TMPRSS9: variants seen among roughly 807,000 people sequenced by gnomAD.
TMPRSS9 encodes the protein transmembrane protease serine 9.
TMPRSS9 carries 113 observed loss-of-function variants against 111.4 expected under a neutral mutation model. That is an observed-to-expected ratio of 1.01 (90% confidence interval 0.87 to 1.19). TMPRSS9 has a LOEUF of 1.19. Ranked by LOEUF, TMPRSS9 falls within the 50% of genes most tolerant of loss-of-function variation. The pLI is 0.00. For synonymous variants in TMPRSS9, 805 were observed against 659.1 expected, an observed-to-expected ratio of 1.22 and a Z score of -3.39; for missense variants, 1,803 against 1,513.1, an observed-to-expected ratio of 1.19 and a Z score of -3.18.
intron 14 of TMPRSS9, among the ~76,000 whole-genome samples, chr19:2,423,045 T>C (rs1284826969): frequency 1.3e-5 from 2 of 150,342 alleles, no homozygotes; most frequent in Non-Finnish European, 3.0e-5. Context: ...TGACACAGCC[T>C]GTCTCTAAAA....
chr19:2,381,381 G>A (rs1030211560), intron 1 of TMPRSS9, among the ~76,000 whole-genome samples: 1 of 151,178 alleles, frequency 6.6e-6, no homozygotes, highest in African/African-American at 2.4e-5. Context: ...TGTGTGTGTT[G>A]GGGAGTGAGC....
chr19:2,383,229 C>A (rs1453889769), intron 1 of TMPRSS9, among the ~76,000 whole-genome samples: 1 of 151,922 alleles, frequency 6.6e-6, no homozygotes, highest in Non-Finnish European at 1.5e-5. Context: ...TGGCAGGCAC[C>A]TGTAATCCCA....
chr19:2,425,321 G>A, intron 16 of TMPRSS9, 36 bp from the exon 18 acceptor site: 1 of 1,307,692 alleles, frequency 7.6e-7, no homozygotes, highest in Admixed American at 4.0e-5. Flanking sequence ...GCCGGACGCG[G>A]TCCCCACCCG....
In TMPRSS9 at chr19:2,398,414, C is replaced by T. The variant is rs181758643; in HGVS notation, c.271-381C>T. 1.5e-3 allele frequency among the ~76,000 whole-genome samples: 228 copies of T among 151,840 alleles called. 1 individual carries two copies. The highest frequency in any genetic ancestry group is 5.1e-3 in the African/African-American group (213 of 41,398). On this transcript the variant is annotated intron_variant, in intron 2 of 17. Coordinates refer to ENST00000648592, the Ensembl canonical transcript of TMPRSS9. ...CAGGTGGATCACAAGGTCAGGAGTT[C>T]GAGACCAGCCTGGCCAACATAGTGA...
intron 14 of TMPRSS9, among the ~76,000 whole-genome samples, chr19:2,422,640 C>T (rs1001759576): frequency 6.6e-6 from 1 of 152,132 alleles, no homozygotes; most frequent in Non-Finnish European, 1.5e-5. Flanking sequence ...AATCCCAGCA[C>T]TTTGGGAGGC....
chr19:2,379,181 CTTT>C (rs919990556), intron 1 of TMPRSS9, among the ~76,000 whole-genome samples: 1 of 99,422 alleles, frequency 1.0e-5, no homozygotes, highest in Non-Finnish European at 1.8e-5. Flanking sequence ...GCTTCTTTCT[CTTT>C]TTTTTTTTTT....
intron 7 of TMPRSS9, among the ~76,000 whole-genome samples, chr19:2,406,763 C>T (rs1970978243): frequency 6.6e-6 from 1 of 151,326 alleles, no homozygotes; most frequent in South Asian, 2.1e-4. Context: ...ACATTTTTTG[C>T]ATTCACTTTG....
intron 1 of TMPRSS9, among the ~76,000 whole-genome samples, chr19:2,372,507 C>T (rs896642055): frequency 3.9e-5 from 6 of 152,120 alleles, no homozygotes; most frequent in Non-Finnish European, 8.8e-5. Flanking sequence ...TCTCTCCCAC[C>T]CCCAGTCTTT....
chr19:2,421,629 C>T (rs1599317737), intron 13 of TMPRSS9, among the ~76,000 whole-genome samples: 1 of 152,076 alleles, frequency 6.6e-6, no homozygotes, highest in Non-Finnish European at 1.5e-5. Context: ...TGTTTTACCT[C>T]CTCAAAACAA....
At chr19:2,372,291 C>T (rs4806839) in intron 1 of TMPRSS9, among the ~76,000 whole-genome samples, 26,836 of 151,956 alleles carry the variant, frequency 0.18, 3,547 homozygotes, top group African/African-American at 0.36. Context: ...CAGCTACACA[C>T]TTTTCTTTTT....
intron 4 of TMPRSS9, among the ~76,000 whole-genome samples, chr19:2,401,465 G>A (rs189582940): frequency 1.2e-4 from 19 of 152,232 alleles, no homozygotes; most frequent in African/African-American, 2.9e-4. Flanking sequence ...AGTGCTCCCC[G>A]TGGGGCAAGT....
intron 7 of TMPRSS9, among the ~76,000 whole-genome samples, chr19:2,407,944 C>T (rs1039166575): frequency 3.3e-5 from 5 of 151,856 alleles, no homozygotes; most frequent in Admixed American, 6.6e-5. Flanking sequence ...TCACTATGCC[C>T]GGCTAATTTT....
Position 2,378,222 on chromosome 19 carries a change from C to G in TMPRSS9, c.-25-11539C>G, listed in dbSNP as rs112512057. Among the ~76,000 whole-genome samples, 1,055 of 152,228 alleles carry G rather than the reference C, an allele frequency of 6.9e-3. 11 individuals are homozygous for G. Among genetic ancestry groups the G allele is most frequent in the Non-Finnish European group, 0.012 (846 of 68,018 alleles). ...TCACCCAGTCTCAGGTATTTCTTTA[C>G]AGCAGGACAAAAATAGACTCAGACA... On this transcript the variant is annotated intron_variant, in intron 1 of 17. Coordinates refer to the TMPRSS9 transcript ENST00000649857.
chr19:2,399,758 C>T (rs753945738), intron 4 of TMPRSS9, among the ~76,000 whole-genome samples: 1 of 152,000 alleles, frequency 6.6e-6, no homozygotes, highest in African/African-American at 2.4e-5. Context: ...CACTCTGTTG[C>T]CCAGTCTGGA....
At chr19:2,425,625 CCT>C (rs1261939903) in intron 17 of TMPRSS9, 132 bp downstream of exon 18, 3 of 1,372,280 alleles carry the variant, frequency 2.2e-6, no homozygotes, top group Non-Finnish European at 2.8e-6. Context: ...AAGCAGGGAG[CCT>C]TTTTGGCTCT....
intron 9 of TMPRSS9, among the ~76,000 whole-genome samples, chr19:2,410,694 A>G (rs1220924560): frequency 4.6e-5 from 7 of 152,032 alleles, no homozygotes. Context: ...GCTCCCTTCC[A>G]GTGGGCCCCA....
intron 7 of TMPRSS9, among the ~76,000 whole-genome samples, chr19:2,405,820 C>T (rs1260776854): frequency 3.3e-5 from 5 of 150,530 alleles, no homozygotes; most frequent in Non-Finnish European, 7.4e-5. Context: ...ATTCTCCTGC[C>T]TCAGCCTCCC....
In TMPRSS9 at chr19:2,424,377, C is replaced by T. The variant is rs990866591; in HGVS notation, c.2717+120C>T. On this transcript the variant is annotated intron_variant, in intron 15 of 17. Coordinates refer to ENST00000648592, the Ensembl canonical transcript of TMPRSS9. ...CCGGGAGTGCCCTCCCCAACCCCGG[C>T]TCCCACTGCCCCAGGCCACTCCTCC... is the stretch of plus-strand genomic sequence containing the variant. The T allele has an allele frequency of 1.5e-5, 17 of 1,112,924 alleles. 1 individual carries two copies. The highest frequency in any genetic ancestry group is 2.6e-4 in the Middle Eastern group (1 of 3,852). 68.9% of individuals were successfully genotyped at this position (1,112,924 alleles called of 1,614,324 possible). A position where few individuals can be genotyped will look rare whatever the true frequency, so the allele number is the denominator to read the frequency against.
chr19:2,396,432 A>G (rs1970708162), intron 1 of TMPRSS9, 107 bp from the exon 3 acceptor site: 7 of 1,356,232 alleles, frequency 5.2e-6, no homozygotes, highest in Non-Finnish European at 6.9e-6. Flanking sequence ...GTCAGGAGTG[A>G]CCACCAGGGT....
Sources: allele counts gnomAD v4.1 joint callset (sites outside exome capture counted in the v4.1 genomes callset), GRCh38; gene constraint gnomAD v4.1.1; transcripts MANE v1.5; gene names NCBI Gene and HGNC (gene_info 2026-07-23, HGNC 2026-07-21).